The following DGKB variants were observed in gnomAD, a reference collection of about 807,000 sequenced individuals.
DGKB encodes the protein diacylglycerol kinase beta, also known as 90 kDa diacylglycerol kinase.
A neutral mutation model predicts 114.3 loss-of-function variants in DGKB; 67 were observed. That is an observed-to-expected ratio of 0.59 (90% confidence interval 0.48 to 0.72). The LOEUF is 0.72. Among genes scored for constraint, DGKB ranks in the 30% least tolerant of loss-of-function variants. The pLI is 0.00. For synonymous variants in DGKB, 398 were observed against 323.1 expected (o/e 1.23, Z -2.49); for missense variants, 907 against 975.2 (o/e 0.93, Z 0.93).
chr7:14,404,529 T>A (rs1413537927), intron 21 of DGKB, among the ~76,000 whole-genome samples: 1 of 151,954 alleles, frequency 6.6e-6, no homozygotes, highest in Non-Finnish European at 1.5e-5. Flanking sequence ...CAGCATCCCA[T>A]TTAATCCAGT....
intron 1 of DGKB, among the ~76,000 whole-genome samples, chr7:14,951,487 A>C (rs576701862): frequency 1.3e-5 from 2 of 152,124 alleles, no homozygotes; most frequent in East Asian, 3.9e-4. Flanking sequence ...TGGGTTGCAG[A>C]GGTTTGGGGA....
At chr7:14,568,230 T>C (rs894686293) in intron 20 of DGKB, among the ~76,000 whole-genome samples, 4 of 152,212 alleles carry the variant, frequency 2.6e-5, no homozygotes, top group Non-Finnish European at 4.4e-5. Flanking sequence ...TATGCTTTTA[T>C]TGATGGACCA....
Position 14,731,892 on chromosome 7 carries a change from A to C in DGKB, c.322+4149T>G, listed in dbSNP as rs145761846. ...AAGCTGGAGAGATAATGCATTAGCGATATCTTCAAAAATCAAAAGTCAAAT... is the reference window on the plus strand; with the variant it reads ...AAGCTGGAGAGATAATGCATTAGCGCTATCTTCAAAAATCAAAAGTCAAAT... On this transcript the variant is annotated intron_variant, in intron 5 of 25. Transcript: ENST00000402815. 2.0e-5 allele frequency among the ~76,000 whole-genome samples: 3 copies of C among 152,344 alleles called. No homozygotes were observed. In the East Asian group the frequency reaches 5.8e-4, roughly 29 times the overall value.
In DGKB at chr7:14,368,919, G is replaced by C. The variant is rs536772645; in HGVS notation, c.1836-23528C>G. Among the ~76,000 whole-genome samples, 175 of 152,100 alleles carry C rather than the reference G, an allele frequency of 1.2e-3. 1 individual carries two copies. The highest frequency in any genetic ancestry group is 4.2e-3 in the African/African-American group (173 of 41,546). On this transcript the variant is annotated intron_variant, in intron 21 of 25. Coordinates refer to ENST00000402815, the MANE Select transcript of DGKB (RefSeq NM_001350709.2). ...GAAAGAAGTTCTGGACAGTGGTGCT[G>C]TGTTTTGTTGTTGTTTTTGTTTTTC...
intron 1 of DGKB, among the ~76,000 whole-genome samples, chr7:14,926,278 C>T (rs148575344): frequency 2.0e-5 from 3 of 152,068 alleles, no homozygotes; most frequent in African/African-American, 7.2e-5. Context: ...CAGACAACCA[C>T]ACCATTTGAT....
intron 20 of DGKB, among the ~76,000 whole-genome samples, chr7:14,496,872 A>G (rs1785381234): frequency 6.6e-6 from 1 of 151,980 alleles, no homozygotes; most frequent in East Asian, 1.9e-4. Context: ...CAAAGTCACT[A>G]CAGCTAATAA....
chr7:14,780,992 T>C (rs983765279), intron 2 of DGKB, among the ~76,000 whole-genome samples: 1 of 152,210 alleles, frequency 6.6e-6, no homozygotes, highest in Non-Finnish European at 1.5e-5. Flanking sequence ...TGTCACTTCT[T>C]ATTTTGATGT....
intron 1 of DGKB, among the ~76,000 whole-genome samples, chr7:14,937,432 G>C (rs2128253143): frequency 6.6e-6 from 1 of 151,814 alleles, no homozygotes. Flanking sequence ...CACATTCACA[G>C]GTACATATTA....
At chr7:14,608,395 TG>T (rs1443850796) in intron 16 of DGKB, among the ~76,000 whole-genome samples, 3 of 151,762 alleles carry the variant, frequency 2.0e-5, no homozygotes, top group African/African-American at 4.8e-5. Context: ...AATCCTGTCA[TG>T]AAAAAAAATC....
intron 21 of DGKB, among the ~76,000 whole-genome samples, chr7:14,394,435 C>T (rs1452783386): frequency 6.6e-6 from 1 of 152,138 alleles, no homozygotes; most frequent in Non-Finnish European, 1.5e-5. Flanking sequence ...CTGTTCATTA[C>T]ATGAATTGTT....
intron 1 of DGKB, among the ~76,000 whole-genome samples, chr7:14,859,080 G>C (rs1850593683): frequency 1.3e-5 from 2 of 152,074 alleles, no homozygotes; most frequent in African/African-American, 4.8e-5. Context: ...TCTGACCTGG[G>C]ATTATGTGTT....
At chr7:14,264,959 G>C (rs1797277603) in intron 23 of DGKB, among the ~76,000 whole-genome samples, 2 of 152,162 alleles carry the variant, frequency 1.3e-5, no homozygotes, top group African/African-American at 4.8e-5. Context: ...GTAGGGCTTT[G>C]CTGTAACATA....
intron 1 of DGKB, among the ~76,000 whole-genome samples, chr7:14,936,175 T>A: frequency 6.6e-6 from 1 of 152,172 alleles, no homozygotes; most frequent in East Asian, 1.9e-4. Context: ...GTGAGGTCAC[T>A]GGATAGAGAT....
At chr7:14,893,951 A>C (rs1781704106) in intron 1 of DGKB, among the ~76,000 whole-genome samples, 1 of 151,208 alleles carries the variant, frequency 6.6e-6, no homozygotes, top group Admixed American at 6.6e-5. Context: ...TTCTGTTCAT[A>C]AGTTTTTTTT....
chr7:14,765,967 T>C (rs1836392216), intron 2 of DGKB, among the ~76,000 whole-genome samples: 1 of 151,906 alleles, frequency 6.6e-6, no homozygotes, highest in South Asian at 2.1e-4. Context: ...CCACATGACA[T>C]CATTAATGTG....
intron 20 of DGKB, among the ~76,000 whole-genome samples, chr7:14,507,184 A>G (rs1008472493): frequency 6.6e-6 from 1 of 152,184 alleles, no homozygotes; most frequent in Non-Finnish European, 1.5e-5. Context: ...GCTTAACTCA[A>G]ACAACTATAT....
At chr7:14,179,532 G>C in intron 23 of DGKB, among the ~76,000 whole-genome samples, 1 of 152,250 alleles carries the variant, frequency 6.6e-6, no homozygotes, top group African/African-American at 2.4e-5. Context: ...GTGTTTTGTA[G>C]GGAATCCACT....
intron 20 of DGKB, among the ~76,000 whole-genome samples, chr7:14,498,636 C>T (rs1024388774): frequency 2.0e-5 from 3 of 151,460 alleles, no homozygotes; most frequent in Non-Finnish European, 4.4e-5. Context: ...GATTTTTTTG[C>T]CTTGAAGTTT....
intron 17 of DGKB, among the ~76,000 whole-genome samples, chr7:14,597,215 A>C (rs926021315): frequency 2.0e-5 from 3 of 152,214 alleles, no homozygotes; most frequent in Non-Finnish European, 4.4e-5. Flanking sequence ...CTCAAAAAAA[A>C]CCATGAATAA....
Sources: gnomAD v4.1 joint callset for allele counts (sites outside exome capture counted in the v4.1 genomes callset) on GRCh38, gnomAD v4.1.1 for gene constraint, MANE v1.5 for transcripts, NCBI Gene and HGNC (gene_info 2026-07-23, HGNC 2026-07-21) for gene names.